Variants in PTPRZ1 observed in about 807,000 individuals in gnomAD.
The protein encoded by PTPRZ1 is protein tyrosine phosphatase receptor type Z1.
PTPRZ1 carries 82 observed loss-of-function variants against 214.1 expected under a neutral mutation model. The ratio of observed to expected loss-of-function variants is 0.38; its 90% confidence interval spans 0.32 to 0.46. The LOEUF (loss-of-function observed/expected upper bound fraction) is 0.46. PTPRZ1 is among the 20% of genes least tolerant of loss of function. The pLI is 1.00. For synonymous variants in PTPRZ1, 945 were observed against 987.9 expected, an observed-to-expected ratio of 0.96 and a Z score of 0.81; for missense variants, 2,603 against 2,748.7, an observed-to-expected ratio of 0.95 and a Z score of 1.19.
Position 122,013,835 on chromosome 7 carries a change from C to T in PTPRZ1, c.4789C>T (p.Pro1597Ser). The T allele has an allele frequency of 6.2e-7, 1 of 1,613,954 alleles. No individual in the cohort carries two copies. The highest frequency in any genetic ancestry group is 1.1e-5 in the South Asian group (1 of 91,040). Residue 1597 changes from proline to serine, a missense_variant, in exon 12 of 30, where the codon CCA (proline) becomes TCA (serine). Pro to Ser is a moderately conservative substitution (Grantham distance 74, BLOSUM62 -1). This residue lies in a region of PTPRZ1 where 1,913 missense variants were observed against 1,914.3 expected (regional missense o/e 1.00). Transcript: ENST00000393386. ...AATAACTCCTGGATTCCCACAGTCC[C>T]CAACATCATCTGTTACTAGCGAGAA... The part of the protein sequence containing the change: ...SEITPGFPQS[P>S]TSSVTSENSE...
At chr7:121,936,914 A>G (rs934662841) in intron 2 of PTPRZ1, among the ~76,000 whole-genome samples, 1 of 152,138 alleles carries the variant, frequency 6.6e-6, no homozygotes, top group Non-Finnish European at 1.5e-5. Flanking sequence ...GCCTTCCTAC[A>G]TTTACCACTT....
chr7:121,996,793 A>AT (rs1456672810), intron 9 of PTPRZ1, among the ~76,000 whole-genome samples: 1 of 152,224 alleles, frequency 6.6e-6, no homozygotes, highest in Non-Finnish European at 1.5e-5. Context: ...CTTTGCCAAC[A>AT]ATAACACTAT....
intron 8 of PTPRZ1, among the ~76,000 whole-genome samples, chr7:121,988,975 G>A (rs977070651): frequency 6.6e-6 from 1 of 152,152 alleles, no homozygotes; most frequent in Non-Finnish European, 1.5e-5. Context: ...TAAAAAGATA[G>A]TATCAGTATT....
chr7:121,914,650 A>C (rs1053519800), intron 1 of PTPRZ1, among the ~76,000 whole-genome samples: 5 of 152,184 alleles, frequency 3.3e-5, no homozygotes, highest in Non-Finnish European at 7.3e-5. Flanking sequence ...TATTTTGTTG[A>C]AATATCCTTG....
In PTPRZ1 at chr7:122,010,894, A is replaced by C. The variant is rs1798636152; in HGVS notation, c.1848A>C (p.Thr616=). ...TATTTTCCTCCGAAAACCCAGAGAC[A>C]ATAACATATGATGTCCTTATACCAG... is the stretch of plus-strand genomic sequence containing the variant. ...GYIFSSENPE[T]ITYDVLIPES... Residue 616 remains threonine (T), a synonymous_variant, in exon 12 of 30, where the codon ACA becomes ACC. Coordinates refer to ENST00000393386, the MANE Select transcript of PTPRZ1 (RefSeq NM_002851.3). 2 of 1,614,008 alleles carry C rather than the reference A, an allele frequency of 1.2e-6. No individual in the cohort carries two copies. The highest frequency in any genetic ancestry group is 1.3e-5 in the African/African-American group (1 of 74,926).
Position 122,011,455 on chromosome 7 carries a change from C to T in PTPRZ1, c.2409C>T (p.Val803=), listed in dbSNP as rs1469171569. The T allele has an allele frequency of 1.3e-5, 21 of 1,613,924 alleles. No individual in the cohort carries two copies. Among genetic ancestry groups the T allele is most frequent in the South Asian group, 5.5e-5 (5 of 91,066 alleles). Residue 803 remains valine, a synonymous_variant, in exon 12 of 30, where the codon GTC becomes GTT. Transcript: ENST00000393386. ...ALHATPVFPS[V]DVSFESILSS... ...ATGCTACGCCTGTATTTCCCAGTGT[C>T]GATGTGTCATTTGAATCCATCCTGT...
intron 23 of PTPRZ1, among the ~76,000 whole-genome samples, chr7:122,048,432 T>A (rs1460553690): frequency 6.6e-6 from 1 of 152,118 alleles, no homozygotes; most frequent in Non-Finnish European, 1.5e-5. Context: ...TGACAATACA[T>A]TTGAAAACCT....
chr7:121,968,395 G>A (rs1196510), intron 3 of PTPRZ1, among the ~76,000 whole-genome samples: 74,071 of 151,922 alleles, frequency 0.49, 18,490 homozygotes, highest in African/African-American at 0.58. Context: ...GTGATAATGT[G>A]ATTTACAGCT....
At chr7:121,920,760 G>A (rs539185724) in intron 1 of PTPRZ1, among the ~76,000 whole-genome samples, 2 of 152,206 alleles carry the variant, frequency 1.3e-5, no homozygotes, top group East Asian at 1.9e-4. Context: ...CATGCATATC[G>A]TTTAAGCTCA....
chr7:122,035,053 A>G (rs942184988), intron 17 of PTPRZ1, among the ~76,000 whole-genome samples: 2 of 152,086 alleles, frequency 1.3e-5, no homozygotes, highest in African/African-American at 4.8e-5. Context: ...CCTAAAATTC[A>G]TCTTCGTGCT....
chr7:121,915,361 C>T (rs1418864537), intron 1 of PTPRZ1, among the ~76,000 whole-genome samples: 2 of 152,124 alleles, frequency 1.3e-5, no homozygotes, highest in African/African-American at 4.8e-5. Flanking sequence ...ACCGGAGAGG[C>T]TTCTGGGAAT....
At chr7:121,908,357 C>CTGTGTTCG in intron 1 of PTPRZ1, 1 of 237,220 alleles carries the variant, frequency 4.2e-6, no homozygotes, top group Admixed American at 5.4e-5. Flanking sequence ...GTAGATCAAT[C>CTGTGTTCG]CCTTTGGAAA....
intron 4 of PTPRZ1, among the ~76,000 whole-genome samples, chr7:121,975,812 G>T (rs1273644352): frequency 1.3e-5 from 2 of 152,068 alleles, no homozygotes; most frequent in South Asian, 4.1e-4. Flanking sequence ...CACAATATGG[G>T]AATATCAAAG....
chr7:121,933,154 A>G (rs77343873), intron 2 of PTPRZ1, among the ~76,000 whole-genome samples: 1 of 16,976 alleles, frequency 5.9e-5, no homozygotes, highest in Admixed American at 4.9e-4. Flanking sequence ...CAGTTCAGTG[A>G]AAAAAAAAAA....
intron 10 of PTPRZ1, among the ~76,000 whole-genome samples, chr7:122,004,369 T>A (rs1445520766): frequency 1.3e-5 from 2 of 151,668 alleles, no homozygotes; most frequent in Admixed American, 6.6e-5. Flanking sequence ...GGGAAGGGAG[T>A]GGAGTGGGAG....
chr7:121,953,620 T>A (rs750415335), intron 2 of PTPRZ1, among the ~76,000 whole-genome samples: 1 of 152,218 alleles, frequency 6.6e-6, no homozygotes, highest in Admixed American at 6.5e-5. Flanking sequence ...ATTATTTCAG[T>A]CCTTGGAGAC....
intron 1 of PTPRZ1, among the ~76,000 whole-genome samples, chr7:121,880,277 A>G (rs1193226305): frequency 1.3e-5 from 2 of 152,184 alleles, no homozygotes; most frequent in Non-Finnish European, 2.9e-5. Flanking sequence ...AACAGGGGAT[A>G]GTTTTTTTTA....
intron 10 of PTPRZ1, among the ~76,000 whole-genome samples, 156 bp downstream of exon 10, chr7:121,998,162 A>C (rs1159278271): frequency 6.6e-6 from 1 of 152,140 alleles, no homozygotes; most frequent in Non-Finnish European, 1.5e-5. Flanking sequence ...GGGGCATGGG[A>C]CCCATTTCTC....
At chr7:122,055,160 T>C in intron 27 of PTPRZ1, 73 bp downstream of exon 27, 1 of 1,210,350 alleles carries the variant, frequency 8.3e-7, no homozygotes, top group Non-Finnish European at 1.1e-6. Context: ...TAAGGATCTG[T>C]CCTAGAAATG....
Sources: allele counts gnomAD v4.1 joint callset (sites outside exome capture counted in the v4.1 genomes callset), GRCh38; gene constraint gnomAD v4.1.1; regional missense constraint gnomAD v4.1.1; transcripts MANE v1.5; gene names NCBI Gene and HGNC (gene_info 2026-07-23, HGNC 2026-07-21).